Variants in ROBO1 observed in about 807,000 individuals in gnomAD.
ROBO1 encodes the protein roundabout homolog 1.
Under a neutral mutation model 195.9 loss-of-function variants are expected in ROBO1, and 149 were observed. The ratio of observed to expected loss-of-function variants is 0.76; its 90% CI spans 0.67 to 0.87. The LOEUF is 0.87. Among genes scored for constraint, ROBO1 ranks in the 40% least tolerant of loss-of-function variants. ROBO1 has a pLI of 0.00. For missense variants in ROBO1, 1,933 were observed against 2,068.3 expected (o/e 0.93, Z 1.27); for synonymous variants, 816 against 733.2 (o/e 1.11, Z -1.82).
intron 4 of ROBO1, among the ~76,000 whole-genome samples, chr3:78,905,358 T>C (rs901475988): frequency 5.3e-5 from 8 of 152,006 alleles, no homozygotes; most frequent in South Asian, 2.1e-4. Context: ...GCTGATGGGA[T>C]TGGGTGCAGT....
chr3:78,717,779 G>A lies in ROBO1; in HGVS notation c.762C>T (p.Ala254=), dbSNP rs762931858. 5.8e-5 allele frequency: 94 copies of A among 1,613,160 alleles called. 1 individual carries two copies. In the South Asian group the frequency reaches 6.0e-4, roughly 10 times the overall value. The stretch of plus-strand genomic sequence containing the variant: ...TACACTTACCTAAGACAGTCAGCTC[G>A]GCTACTTCACTCTCACGTTCCCCAA... ...NMVGERESEV[A]ELTVLERPSF... is the part of the protein sequence containing the mutation. Residue 254 remains alanine (A), a synonymous_variant, in exon 6 of 31, where the codon GCC becomes GCT. Transcript: ENST00000464233.
chr3:78,940,865 T>C (rs1205519687), intron 3 of ROBO1, among the ~76,000 whole-genome samples: 1 of 152,172 alleles, frequency 6.6e-6, no homozygotes, highest in Non-Finnish European at 1.5e-5. Context: ...CAGTAAACCA[T>C]GTGTTGAATA....
intron 5 of ROBO1, among the ~76,000 whole-genome samples, chr3:78,732,170 G>A (rs1244808066): frequency 2.0e-5 from 3 of 152,016 alleles, no homozygotes; most frequent in Non-Finnish European, 4.4e-5. Context: ...GGCTTTCTTT[G>A]AGATAGAGAA....
At chr3:78,737,435 A>C (rs2082417774) in intron 5 of ROBO1, among the ~76,000 whole-genome samples, 1 of 152,182 alleles carries the variant, frequency 6.6e-6, no homozygotes, top group African/African-American at 2.4e-5. Context: ...ACCATTACTA[A>C]TAGGTATTAA....
intron 5 of ROBO1, among the ~76,000 whole-genome samples, chr3:78,739,170 C>T (rs987814974): frequency 3.3e-5 from 5 of 151,992 alleles, no homozygotes; most frequent in South Asian, 2.1e-4. Context: ...TGAAATAATT[C>T]GGGATAAATG....
At chr3:78,688,325 A>G (rs2081094934) in intron 9 of ROBO1, among the ~76,000 whole-genome samples, 1 of 152,198 alleles carries the variant, frequency 6.6e-6, no homozygotes, top group African/African-American at 2.4e-5. Flanking sequence ...ATAATTCCAG[A>G]TACCTGAATA....
intron 2 of ROBO1, among the ~76,000 whole-genome samples, chr3:79,451,461 T>G (rs1224841542): frequency 6.6e-6 from 1 of 152,156 alleles, no homozygotes. Flanking sequence ...AGGACTCTCA[T>G]GAACTGCTAA....
At chr3:79,541,317 C>T (rs752622288) in intron 2 of ROBO1, among the ~76,000 whole-genome samples, 4 of 152,004 alleles carry the variant, frequency 2.6e-5, no homozygotes, top group African/African-American at 7.2e-5. Context: ...ACTGATTTGA[C>T]GTTGTTTCTG....
chr3:79,325,512 C>T (rs574968667), intron 2 of ROBO1, among the ~76,000 whole-genome samples: 2 of 152,206 alleles, frequency 1.3e-5, no homozygotes, highest in East Asian at 1.9e-4. Flanking sequence ...CAAATATTAA[C>T]GTAATGTGTC....
At chr3:79,602,485 A>G (rs1183853365) in intron 1 of ROBO1, among the ~76,000 whole-genome samples, 1 of 151,950 alleles carries the variant, frequency 6.6e-6, no homozygotes, top group Admixed American at 6.6e-5. Context: ...CAATTTTCAA[A>G]GATAATTGTG....
At chr3:79,412,831 C>G (rs2037829161) in intron 2 of ROBO1, among the ~76,000 whole-genome samples, 1 of 138,726 alleles carries the variant, frequency 7.2e-6, no homozygotes, top group Admixed American at 7.3e-5. Flanking sequence ...TATATTCCAT[C>G]TCTCCTGTTT....
At chr3:79,696,358 T>C (rs1378867301) in intron 1 of ROBO1, among the ~76,000 whole-genome samples, 1 of 150,890 alleles carries the variant, frequency 6.6e-6, no homozygotes, top group Non-Finnish European at 1.5e-5. Context: ...GCTTATTAAA[T>C]ATAACTAATA....
At chr3:79,463,472 C>T (rs1268005312) in intron 2 of ROBO1, among the ~76,000 whole-genome samples, 1 of 151,374 alleles carries the variant, frequency 6.6e-6, no homozygotes, top group African/African-American at 2.4e-5. Flanking sequence ...ATGTGACCCT[C>T]TCCTGCAATT....
chr3:79,319,970 AAC>A lies in ROBO1; in HGVS notation c.89-194433_89-194432del, dbSNP rs558420889. On this transcript the variant is annotated intron_variant, in intron 2 of 30. Coordinates refer to ENST00000464233, the MANE Select transcript of ROBO1 (RefSeq NM_002941.4). The stretch of plus-strand genomic sequence containing the variant: ...CAAGTCAAGAAGTTGTAAACTGTAT[AAC>A]CAGGGTAGACCCTCAATATATTTGC... Among the ~76,000 whole-genome samples, 461 of 152,354 alleles carry A rather than the reference AAC, an allele frequency of 3.0e-3. 4 individuals are homozygous for A. Among genetic ancestry groups the A allele is most frequent in the African/African-American group, 9.6e-3 (398 of 41,584 alleles).
chr3:78,722,875 A>C (rs2082076350), intron 5 of ROBO1, among the ~76,000 whole-genome samples: 1 of 152,140 alleles, frequency 6.6e-6, no homozygotes, highest in African/African-American at 2.4e-5. Context: ...TATAACTCTA[A>C]GGATATTATG....
chr3:79,370,852 A>G (rs530161791), intron 2 of ROBO1, among the ~76,000 whole-genome samples: 1 of 151,534 alleles, frequency 6.6e-6, no homozygotes, highest in South Asian at 2.1e-4. Flanking sequence ...CCACCCCCTG[A>G]CTGGTCCCAG....
Position 78,803,876 on chromosome 3 carries a change from T to C in ROBO1, c.500-56976A>G, listed in dbSNP as rs192034250. ...TATTGGCACCATATCTTCAGAATGA[T>C]TAATTCTTAAATGTATGTGTATATT... On this transcript the variant is annotated intron_variant, in intron 4 of 30. Transcript: ENST00000464233. Among the ~76,000 whole-genome samples the C allele has an allele frequency of 5.9e-3, 891 of 152,280 alleles. 3 individuals are homozygous for C. Among genetic ancestry groups the C allele is most frequent in the Non-Finnish European group, 0.01 (697 of 68,004 alleles).
At chr3:79,536,454 C>T (rs1449301340) in intron 2 of ROBO1, among the ~76,000 whole-genome samples, 1 of 152,010 alleles carries the variant, frequency 6.6e-6, no homozygotes, top group Non-Finnish European at 1.5e-5. Context: ...TGCATTTCTT[C>T]AAGAAAATAA....
At chr3:79,592,889 C>A (rs73849634) in intron 1 of ROBO1, among the ~76,000 whole-genome samples, 2,159 of 152,124 alleles carry the variant, frequency 0.014, 26 homozygotes, top group Middle Eastern at 0.038. Context: ...TGTGCTTCAT[C>A]TATTCATCCC....
Sources: gnomAD v4.1 joint callset for allele counts (sites outside exome capture counted in the v4.1 genomes callset) on GRCh38, gnomAD v4.1.1 for gene constraint, MANE v1.5 for transcripts, NCBI Gene and HGNC (gene_info 2026-07-23, HGNC 2026-07-21) for gene names.